Variants in GSG1L observed in about 807,000 individuals in gnomAD.
GSG1L encodes germ cell-specific gene 1-like protein.
A neutral mutation model predicts 42.1 loss-of-function variants in GSG1L; 24 were observed. That is an observed-to-expected ratio of 0.57 (90% CI 0.41 to 0.80). The LOEUF (loss-of-function observed/expected upper bound fraction) is 0.80, where lower values mean the gene tolerates loss of function less well. GSG1L is among the 30% of genes least tolerant of loss of function. The probability of loss-of-function intolerance (pLI) is 0.00; values close to 1 mark genes in which losing one functional copy is unlikely to be tolerated. For missense variants in GSG1L, 445 were observed against 472.2 expected, an observed-to-expected ratio of 0.94 and a Z score of 0.53; for synonymous variants, 215 against 203.5, an observed-to-expected ratio of 1.06 and a Z score of -0.48.
At chr16:27,935,545 C>T (rs1014988640) in intron 2 of GSG1L, among the ~76,000 whole-genome samples, 2 of 152,110 alleles carry the variant, frequency 1.3e-5, no homozygotes, top group African/African-American at 4.8e-5. Context: ...TGAGGCTCTC[C>T]CCAAGATCTG....
At chr16:28,006,137 G>A (rs1231955465) in intron 1 of GSG1L, among the ~76,000 whole-genome samples, 1 of 152,114 alleles carries the variant, frequency 6.6e-6, no homozygotes, top group African/African-American at 2.4e-5. Context: ...ACCTCTAGAA[G>A]CCAAGAACAG....
chr16:28,053,628 G>T (rs2086243898), intron 1 of GSG1L, among the ~76,000 whole-genome samples: 1 of 152,194 alleles, frequency 6.6e-6, no homozygotes, highest in South Asian at 2.1e-4. Context: ...CACGTGTGCT[G>T]CTACCGCCTC....
intron 1 of GSG1L, among the ~76,000 whole-genome samples, chr16:28,032,028 G>A (rs2085970114): frequency 6.6e-6 from 1 of 152,196 alleles, no homozygotes; most frequent in African/African-American, 2.4e-5. Flanking sequence ...AAAGCAACCA[G>A]AATTCATTAC....
At chr16:28,052,839 T>C (rs1386330805) in intron 1 of GSG1L, among the ~76,000 whole-genome samples, 1 of 152,224 alleles carries the variant, frequency 6.6e-6, no homozygotes, top group Non-Finnish European at 1.5e-5. Flanking sequence ...GATCCCCATG[T>C]GGAGAGATCC....
rs118190553 is a variant in GSG1L, at chr16:27,926,946, G to A, written c.397+36210C>T. Among the ~76,000 whole-genome samples, 71 of 152,094 alleles carry A rather than the reference G, an allele frequency of 4.7e-4. 1 individual carries two copies. Among genetic ancestry groups the A allele is most frequent in the South Asian group, 1.7e-3 (8 of 4,800 alleles). On this transcript the variant is annotated intron_variant, in intron 2 of 6. Coordinates refer to ENST00000447459, the MANE Select transcript of GSG1L (RefSeq NM_001109763.2). ...TTTTCAGGTAAGGAAACTGAGGCTCGGAGGGTTTAGAAATATGTTCAGAGT... is the reference window on the plus strand; with the variant it reads ...TTTTCAGGTAAGGAAACTGAGGCTCAGAGGGTTTAGAAATATGTTCAGAGT...
At chr16:28,034,445 G>A (rs1039612898) in intron 1 of GSG1L, among the ~76,000 whole-genome samples, 9 of 152,214 alleles carry the variant, frequency 5.9e-5, no homozygotes, top group African/African-American at 2.2e-4. Context: ...CTTATGTGAA[G>A]AAAAAGGTAG....
chr16:28,037,584 G>A (rs2086054955), intron 1 of GSG1L, among the ~76,000 whole-genome samples: 1 of 152,090 alleles, frequency 6.6e-6, no homozygotes, highest in African/African-American at 2.4e-5. Context: ...GTAACTCTAG[G>A]TCATGCTCTG....
intron 2 of GSG1L, among the ~76,000 whole-genome samples, chr16:27,887,277 A>G (rs553125925): frequency 6.6e-5 from 10 of 152,246 alleles, no homozygotes; most frequent in Admixed American, 2.0e-4. Context: ...TATTTCTACC[A>G]CGTTTGAGGC....
At chr16:27,832,908 C>G (rs1403439026) in intron 4 of GSG1L, among the ~76,000 whole-genome samples, 1 of 152,152 alleles carries the variant, frequency 6.6e-6, no homozygotes, top group Non-Finnish European at 1.5e-5. Flanking sequence ...TTCTCTCAGT[C>G]TATAGCTTTC....
In GSG1L at chr16:27,909,793, C is replaced by A. The variant is rs115639408; in HGVS notation, c.398-25155G>T. The stretch of plus-strand genomic sequence containing the variant: ...AGTAGCTGGAACTACATGCGTGAGC[C>A]ACCATGCCCAGCCTGCACCTAGATC... On this transcript the variant is annotated intron_variant, in intron 2 of 6. Coordinates refer to ENST00000447459, the MANE Select transcript of GSG1L (RefSeq NM_001109763.2). Among the ~76,000 whole-genome samples the A allele has an allele frequency of 4.6e-3, 699 of 151,956 alleles. 5 individuals carry two copies. Among genetic ancestry groups the A allele is most frequent in the Middle Eastern group, 0.037 (11 of 294 alleles).
At chr16:27,918,549 C>T (rs997131491) in intron 2 of GSG1L, among the ~76,000 whole-genome samples, 4 of 151,850 alleles carry the variant, frequency 2.6e-5, no homozygotes, top group Non-Finnish European at 5.9e-5. Flanking sequence ...GTCCCAACTA[C>T]TCAGGAGGCC....
chr16:28,028,234 C>T (rs1397011374), intron 1 of GSG1L, among the ~76,000 whole-genome samples: 1 of 151,198 alleles, frequency 6.6e-6, no homozygotes, highest in Non-Finnish European at 1.5e-5. Flanking sequence ...GTTGATGGGC[C>T]ATGAAGGCCA....
At chr16:27,995,330 G>A (rs2085504105) in intron 1 of GSG1L, among the ~76,000 whole-genome samples, 1 of 152,096 alleles carries the variant, frequency 6.6e-6, no homozygotes, top group African/African-American at 2.4e-5. Context: ...GCTCACCAAG[G>A]AAGAATAAAA....
At position 27,979,581 on chromosome 16, in the gene GSG1L, A is replaced by G. The variant is rs1348648573; in HGVS notation, c.350-16378T>C. Among the ~76,000 whole-genome samples the G allele has an allele frequency of 9.2e-4, 127 of 138,396 alleles. 5 individuals are homozygous for G. In the East Asian group the frequency reaches 0.02, roughly 22 times the overall value. 90.8% of individuals were successfully genotyped at this position (138,396 alleles called of 152,430 possible). A position where few individuals can be genotyped will look rare whatever the true frequency, so the allele number is the denominator to read the frequency against. On this transcript the variant is annotated intron_variant, in intron 1 of 6. Coordinates refer to ENST00000447459, the MANE Select transcript of GSG1L (RefSeq NM_001109763.2). Reference sequence around the variant, plus strand: ...GAGAATCCATCAAAAAAAAAAAAAAAGAAAGAAGGAAGGAAGGAAGAAAGA... The same window carrying G: ...GAGAATCCATCAAAAAAAAAAAAAAGGAAAGAAGGAAGGAAGGAAGAAAGA...
At chr16:27,956,854 G>T (rs2085011350) in intron 2 of GSG1L, among the ~76,000 whole-genome samples, 1 of 151,808 alleles carries the variant, frequency 6.6e-6, no homozygotes. Context: ...CCACTGGGTT[G>T]TGTGATAGCT....
intron 1 of GSG1L, among the ~76,000 whole-genome samples, chr16:28,017,736 C>T (rs529854809): frequency 2.6e-5 from 4 of 152,268 alleles, no homozygotes; most frequent in South Asian, 4.1e-4. Flanking sequence ...CAAAACAATG[C>T]GTAGAGTCTG....
intron 3 of GSG1L, chr16:27,850,388 C>T (rs1312381613): frequency 2.0e-5 from 8 of 392,154 alleles, no homozygotes; most frequent in Middle Eastern, 1.6e-3. Flanking sequence ...GCCAGTTCTG[C>T]GATTCAAGGA....
At chr16:27,863,307 G>T (rs1248862992) in intron 3 of GSG1L, 2 of 152,162 alleles carry the variant, frequency 1.3e-5, no homozygotes, top group South Asian at 2.1e-4. Context: ...AGATTAGCAT[G>T]ACCCCTATGG....
chr16:28,039,576 CGCGCACACAT>C (rs2086081279), intron 1 of GSG1L, among the ~76,000 whole-genome samples: 1 of 151,214 alleles, frequency 6.6e-6, no homozygotes, highest in South Asian at 2.1e-4. Context: ...TGTGCACACA[CGCGCACACAT>C]GCACATACCC....
Sources: gnomAD v4.1 joint callset for allele counts (sites outside exome capture counted in the v4.1 genomes callset) on GRCh38, gnomAD v4.1.1 for gene constraint, MANE v1.5 for transcripts, NCBI Gene and HGNC (gene_info 2026-07-23, HGNC 2026-07-21) for gene names.